Variants in BRINP2 observed in about 807,000 individuals in gnomAD.
The protein encoded by BRINP2 is BMP/retinoic acid-inducible neural-specific protein 2.
BRINP2 carries 21 observed loss-of-function variants against 69.2 expected under a neutral mutation model. The observed-to-expected ratio is 0.30, with a 90% confidence interval of 0.22 to 0.44. The LOEUF is 0.44. Ranked by LOEUF, BRINP2 falls within the 20% of genes least tolerant of loss-of-function variation. BRINP2 has a pLI of 1.00. For missense variants in BRINP2, 877 were observed against 986.0 expected, an observed-to-expected ratio of 0.89 and a Z score of 1.48; for synonymous variants, 380 against 394.1, an observed-to-expected ratio of 0.96 and a Z score of 0.42.
At chr1:177,190,892 G>A (rs1648576119) in intron 1 of BRINP2, among the ~76,000 whole-genome samples, 1 of 152,100 alleles carries the variant, frequency 6.6e-6, no homozygotes, top group South Asian at 2.1e-4. Flanking sequence ...GTTATGGTGA[G>A]GACTAATAAT....
intron 6 of BRINP2, 99 bp downstream of exon 6, chr1:177,276,533 G>A (rs1025526308): frequency 8.2e-6 from 9 of 1,092,356 alleles, no homozygotes; most frequent in Admixed American, 6.0e-5. Context: ...GATCCTCATG[G>A]GGATCCTGAC....
intron 1 of BRINP2, among the ~76,000 whole-genome samples, chr1:177,220,853 G>A (rs1395559257): frequency 6.6e-6 from 1 of 152,106 alleles, no homozygotes; most frequent in African/African-American, 2.4e-5. Flanking sequence ...CTAACCTGTG[G>A]TTTTTGAGAC....
At chr1:177,265,505 C>G (rs1303494860) in intron 4 of BRINP2, among the ~76,000 whole-genome samples, 1 of 152,174 alleles carries the variant, frequency 6.6e-6, no homozygotes, top group East Asian at 1.9e-4. Flanking sequence ...TTATTCTCAG[C>G]TCTTCTCCCT....
chr1:177,226,470 T>G (rs1038424409), intron 1 of BRINP2, among the ~76,000 whole-genome samples: 6 of 152,188 alleles, frequency 3.9e-5, no homozygotes, highest in Admixed American at 3.9e-4. Flanking sequence ...TCAGGGAGCA[T>G]GAAGAACCCC....
At chr1:177,274,969 T>C (rs1161114826) in intron 5 of BRINP2, among the ~76,000 whole-genome samples, 5 of 152,162 alleles carry the variant, frequency 3.3e-5, no homozygotes, top group Non-Finnish European at 7.3e-5. Context: ...AGTTCTCTGG[T>C]TTCCTGCCAA....
chr1:177,219,654 A>G (rs1016134693), intron 1 of BRINP2, among the ~76,000 whole-genome samples: 2 of 152,240 alleles, frequency 1.3e-5, no homozygotes, highest in Non-Finnish European at 2.9e-5. Context: ...GTTTGTGCCA[A>G]GGTCCAAATA....
chr1:177,278,318 T>C (rs578090040), intron 6 of BRINP2, among the ~76,000 whole-genome samples: 24 of 150,030 alleles, frequency 1.6e-4, no homozygotes, highest in African/African-American at 6.1e-4. Flanking sequence ...AGAGATCTGT[T>C]TTGAAATTCA....
chr1:177,251,941 C>G (rs961997682), intron 2 of BRINP2, among the ~76,000 whole-genome samples: 1 of 152,098 alleles, frequency 6.6e-6, no homozygotes, highest in Non-Finnish European at 1.5e-5. Flanking sequence ...TTAATGAAGT[C>G]TAGACATGCC....
rs74129914 is a variant in BRINP2, at chr1:177,183,828, C to T, written c.-77+12096C>T. ...TACTGTTTATAATGTGCTTTGGGTT[C>T]CTCTGGTTTACAGTTCTGCATAAAT... On this transcript the variant is annotated intron_variant, in intron 1 of 7. Transcript: ENST00000361539. 2.6e-3 allele frequency among the ~76,000 whole-genome samples: 401 copies of T among 152,234 alleles called. 4 individuals carry two copies. Among genetic ancestry groups the T allele is most frequent in the African/African-American group, 9.4e-3 (392 of 41,520 alleles).
At chr1:177,203,335 G>T (rs1044685628) in intron 1 of BRINP2, among the ~76,000 whole-genome samples, 4 of 152,040 alleles carry the variant, frequency 2.6e-5, no homozygotes, top group African/African-American at 9.7e-5. Context: ...TTGTGGGGTG[G>T]GGTTAGTGGG....
intron 1 of BRINP2, among the ~76,000 whole-genome samples, chr1:177,228,457 T>A (rs1194109337): frequency 6.6e-6 from 1 of 151,972 alleles, no homozygotes. Context: ...CAGCCCAGAG[T>A]GCCCTGGGGG....
chr1:177,194,606 CCTT>C (rs1455028161), intron 1 of BRINP2, among the ~76,000 whole-genome samples: 3 of 152,182 alleles, frequency 2.0e-5, no homozygotes, highest in African/African-American at 2.4e-5. Flanking sequence ...TATCAAATCT[CCTT>C]CTATCCCCTT....
intron 1 of BRINP2, among the ~76,000 whole-genome samples, chr1:177,211,845 C>A (rs147602109): frequency 2.6e-5 from 4 of 152,294 alleles, no homozygotes; most frequent in African/African-American, 9.6e-5. Context: ...CATTCTACAT[C>A]AACTTTTATC....
At chr1:177,206,771 C>A (rs760817380) in intron 1 of BRINP2, among the ~76,000 whole-genome samples, 1 of 152,074 alleles carries the variant, frequency 6.6e-6, no homozygotes, top group Non-Finnish European at 1.5e-5. Context: ...AACGTGGCTA[C>A]GTTGGCAAAT....
intron 2 of BRINP2, among the ~76,000 whole-genome samples, chr1:177,230,929 C>T (rs992216603): frequency 2.0e-5 from 3 of 152,282 alleles, no homozygotes; most frequent in Admixed American, 6.5e-5. Flanking sequence ...CTTTAGATAA[C>T]CCTGGGAGCC....
chr1:177,178,679 GC>G (rs1025387638), intron 1 of BRINP2, among the ~76,000 whole-genome samples: 5 of 152,026 alleles, frequency 3.3e-5, no homozygotes, highest in Non-Finnish European at 5.9e-5. Context: ...TGTTGATATG[GC>G]CATCTCCTGC....
rs771635814 is a variant in BRINP2, at chr1:177,281,139, G to T, written c.1963G>T (p.Asp655Tyr). ...ACGGAGCCGAATCAAGTCCCTGGATGACAGCTCCAATGAGACAATCTACTA... is the reference window on the plus strand; with the variant it reads ...ACGGAGCCGAATCAAGTCCCTGGATTACAGCTCCAATGAGACAATCTACTA... ...YLRSRIKSLD[D>Y]SSNETIYYEP... The change falls in exon 8 of 8, where the codon GAC (aspartate) becomes TAC (tyrosine). Residue 655 changes from aspartate (D) to tyrosine (Y), a missense_variant. Asp to Tyr is a radical substitution (Grantham distance 160). This residue lies in a region of BRINP2 where 225 missense variants were observed against 218.7 expected (regional missense o/e 1.03). Transcript: ENST00000361539. The T allele has an allele frequency of 1.2e-6, 2 of 1,614,092 alleles. No individual in the cohort carries two copies.
chr1:177,229,789 G>A lies in BRINP2; in HGVS notation c.-76-12G>A. On this transcript the variant is annotated splice_polypyrimidine_tract_variant and intron_variant, in intron 1 of 7. Transcript: ENST00000361539. ...GGGTGCTCAAATGACAATGCCTTTT[G>A]TACTTTTCCAGCTCCGAGCCCTGGA... The A allele has an allele frequency of 1.3e-6, 2 of 1,494,888 alleles. No individual in the cohort carries two copies. Among genetic ancestry groups the A allele is most frequent in the African/African-American group, 1.4e-5 (1 of 71,442 alleles). 92.6% of individuals were successfully genotyped at this position (1,494,888 alleles called of 1,614,324 possible).
chr1:177,281,094 G>A lies in BRINP2; in HGVS notation c.1918G>A (p.Glu640Lys). The change falls in exon 8 of 8, where the codon GAG (glutamate) becomes AAG (lysine). Residue 640 changes from glutamate (E) to lysine (K), a missense_variant. This residue lies in a region of BRINP2 where 225 missense variants were observed against 218.7 expected (regional missense o/e 1.03). Coordinates refer to ENST00000361539, the MANE Select transcript of BRINP2 (RefSeq NM_021165.4). Reference protein sequence around the residue: ...TLGNRWKTFFETVHVYLRSRI... With the variant: ...TLGNRWKTFFKTVHVYLRSRI... ...GGGGAATAGGTGGAAGACTTTCTTT[G>A]AGACAGTTCATGTTTACCTACGGAG... 6.2e-7 allele frequency: 1 copy of A among 1,614,228 alleles called. No homozygotes were observed. The highest frequency in any genetic ancestry group is 8.5e-7 in the Non-Finnish European group (1 of 1,180,044).
Sources: gnomAD v4.1 joint callset for allele counts (sites outside exome capture counted in the v4.1 genomes callset) on GRCh38, gnomAD v4.1.1 for gene constraint, gnomAD v4.1.1 regional missense constraint, MANE v1.5 for transcripts, NCBI Gene and HGNC (gene_info 2026-07-23, HGNC 2026-07-21) for gene names.